Variants in DLGAP2 observed in about 807,000 individuals in gnomAD.
DLGAP2 encodes DLG associated protein 2.
DLGAP2 carries 26 observed loss-of-function variants against 100.3 expected under a neutral mutation model. The observed-to-expected ratio is 0.26, with a 90% CI of 0.19 to 0.36. The LOEUF is 0.36. Ranked by LOEUF, DLGAP2 falls within the 10% of genes least tolerant of loss-of-function variation. The pLI is 1.00. For synonymous variants in DLGAP2, 886 were observed against 630.1 expected, an observed-to-expected ratio of 1.41 and a Z score of -6.08; for missense variants, 1,858 against 1,453.2, an observed-to-expected ratio of 1.28 and a Z score of -4.53.
At chr8:830,099 A>G (rs944442978) in intron 1 of DLGAP2, among the ~76,000 whole-genome samples, 1 of 152,198 alleles carries the variant, frequency 6.6e-6, no homozygotes, top group African/African-American at 2.4e-5. Flanking sequence ...AGGCAAATGT[A>G]CCTATCTGCC....
intron 7 of DLGAP2, among the ~76,000 whole-genome samples, chr8:1,628,020 G>C (rs4875881): frequency 0.014 from 971 of 71,266 alleles, no homozygotes; most frequent in Middle Eastern, 0.033. Flanking sequence ...CTCACATTCT[G>C]TCTGACTTAC....
intron 2 of DLGAP2, among the ~76,000 whole-genome samples, chr8:1,126,563 A>G (rs1796170181): frequency 6.6e-6 from 1 of 151,816 alleles, no homozygotes; most frequent in African/African-American, 2.4e-5. Context: ...TGGTGGTGAG[A>G]TCAGAGGCTT....
intron 3 of DLGAP2, among the ~76,000 whole-genome samples, chr8:1,351,947 C>A (rs866266382): frequency 1.4e-5 from 1 of 72,612 alleles, no homozygotes; most frequent in East Asian, 6.8e-4. Flanking sequence ...TGTGGAAAGG[C>A]CGTGCGGGTC....
At chr8:1,250,691 A>G (rs576726252) in intron 2 of DLGAP2, 2 of 151,466 alleles carry the variant, frequency 1.3e-5, no homozygotes, top group East Asian at 3.9e-4. Flanking sequence ...AAAGCCAGTC[A>G]CTCCTGGGTT....
At chr8:805,356 G>A (rs1796248196) in intron 1 of DLGAP2, among the ~76,000 whole-genome samples, 2 of 152,274 alleles carry the variant, frequency 1.3e-5, no homozygotes, top group South Asian at 4.1e-4. Context: ...CAGTTGCTCA[G>A]TGTGCTCAGG....
chr8:972,686 A>G lies in DLGAP2; in HGVS notation c.73+64720A>G, dbSNP rs1800044165. The stretch of plus-strand genomic sequence containing the variant: ...TCGCAGAGGGGGATTTGGCAGGGTC[A>G]TAGGACAATAGTGGAGGAAAGATCA... On this transcript the variant is annotated intron_variant, in intron 2 of 14. Coordinates refer to ENST00000637795, the MANE Select transcript of DLGAP2 (RefSeq NM_001346810.2). Among the ~76,000 whole-genome samples the G allele has an allele frequency of 1.3e-5, 2 of 151,006 alleles. 1 individual carries two copies. The highest frequency in any genetic ancestry group is 4.2e-4 in the South Asian group (2 of 4,790).
chr8:1,316,122 A>G (rs1800740330), intron 3 of DLGAP2, among the ~76,000 whole-genome samples: 1 of 130,016 alleles, frequency 7.7e-6, no homozygotes. Flanking sequence ...GCTTTTAAAA[A>G]TAGAGCGTGT....
intron 3 of DLGAP2, among the ~76,000 whole-genome samples, chr8:1,360,215 C>CGGGGCGGGGCTTCTCT (rs1563104605): frequency 1.7e-4 from 13 of 76,004 alleles, no homozygotes; most frequent in African/African-American, 6.5e-4. Flanking sequence ...GGGGCTTTTC[C>CGGGGCGGGGCTTCTCT]GGGGCGGGGC....
chr8:1,437,245 C>T (rs991522468), intron 3 of DLGAP2, among the ~76,000 whole-genome samples: 18 of 152,118 alleles, frequency 1.2e-4, no homozygotes, highest in African/African-American at 3.9e-4. Context: ...TCAGCCCAGG[C>T]GCGTAAGGGT....
chr8:794,042 G>A (rs780477754), intron 1 of DLGAP2, among the ~76,000 whole-genome samples: 2 of 151,964 alleles, frequency 1.3e-5, no homozygotes, highest in African/African-American at 4.8e-5. Context: ...CCCTGGTGGC[G>A]TGAGTGAGGT....
intron 2 of DLGAP2, among the ~76,000 whole-genome samples, chr8:1,150,126 G>A (rs1271989572): frequency 6.6e-6 from 1 of 152,158 alleles, no homozygotes; most frequent in Non-Finnish European, 1.5e-5. Context: ...GTTCCTCCCT[G>A]AAGAGCTCCC....
chr8:1,000,860 G>A (rs1800935436), intron 2 of DLGAP2, among the ~76,000 whole-genome samples: 1 of 152,124 alleles, frequency 6.6e-6, no homozygotes, highest in African/African-American at 2.4e-5. Flanking sequence ...CAGGTGTGGG[G>A]GGAGAGGAGA....
chr8:971,702 A>G (rs988092272), intron 2 of DLGAP2, among the ~76,000 whole-genome samples: 2 of 152,194 alleles, frequency 1.3e-5, no homozygotes, highest in Non-Finnish European at 2.9e-5. Context: ...AGTCATCATC[A>G]TGGAGTACTC....
chr8:1,252,305 T>G (rs563674170), intron 2 of DLGAP2, among the ~76,000 whole-genome samples: 1 of 144,984 alleles, frequency 6.9e-6, no homozygotes, highest in African/African-American at 2.6e-5. Flanking sequence ...GGTGTTGTCA[T>G]GTGGGTGTGT....
At chr8:870,282 A>G (rs530095717) in intron 1 of DLGAP2, among the ~76,000 whole-genome samples, 1 of 152,288 alleles carries the variant, frequency 6.6e-6, no homozygotes, top group Non-Finnish European at 1.5e-5. Flanking sequence ...AATCATGCAG[A>G]TGATGCTTAT....
At chr8:1,119,108 A>AT (rs965400373) in intron 2 of DLGAP2, among the ~76,000 whole-genome samples, 5 of 152,152 alleles carry the variant, frequency 3.3e-5, no homozygotes, top group East Asian at 3.9e-4. Flanking sequence ...TTGATAAGTG[A>AT]TTTTTTCCCA....
At chr8:1,323,746 G>C (rs1001378392) in intron 3 of DLGAP2, among the ~76,000 whole-genome samples, 1 of 152,174 alleles carries the variant, frequency 6.6e-6, no homozygotes, top group Non-Finnish European at 1.5e-5. Flanking sequence ...ATGACTGGTC[G>C]CTGCCTGTGC....
intron 4 of DLGAP2, among the ~76,000 whole-genome samples, chr8:1,531,512 A>G (rs1302257687): frequency 2.0e-5 from 3 of 152,108 alleles, no homozygotes; most frequent in Non-Finnish European, 4.4e-5. Context: ...CATACTGATA[A>G]TTTTTTGAAG....
chr8:1,524,868 G>A (rs1051323713), intron 4 of DLGAP2, among the ~76,000 whole-genome samples: 3 of 152,012 alleles, frequency 2.0e-5, no homozygotes, highest in African/African-American at 7.2e-5. Context: ...CATGATCCTG[G>A]GACCTTTTAG....
Sources: gnomAD v4.1 joint callset for allele counts (sites outside exome capture counted in the v4.1 genomes callset) on GRCh38, gnomAD v4.1.1 for gene constraint, MANE v1.5 for transcripts, NCBI Gene and HGNC (gene_info 2026-07-23, HGNC 2026-07-21) for gene names.